The following CFAP53 variants were observed in gnomAD, a reference collection of about 807,000 sequenced individuals.
The protein encoded by CFAP53 is cilia- and flagella-associated protein 53.
A neutral mutation model predicts 59.7 loss-of-function variants in CFAP53; 62 were observed. The observed-to-expected ratio is 1.04, with a 90% confidence interval of 0.85 to 1.28. CFAP53 has a LOEUF of 1.28. Ranked by LOEUF, CFAP53 falls within the 50% of genes most tolerant of loss-of-function variation. The probability of loss-of-function intolerance (pLI) is 0.00; values close to 1 mark genes in which losing one functional copy is unlikely to be tolerated. For missense variants in CFAP53, 629 were observed against 615.6 expected (o/e 1.02, Z -0.23); for synonymous variants, 218 against 205.7 (o/e 1.06, Z -0.51).
chr18:50,250,798 T>C lies in CFAP53; in HGVS notation c.956A>G (p.Gln319Arg), dbSNP rs2033790612. 1.2e-6 allele frequency: 2 copies of C among 1,614,202 alleles called. No homozygotes were observed. The highest frequency in any genetic ancestry group is 2.2e-5 in the East Asian group (1 of 44,880). ...LNMKLVQRAL[Q>R]DLQEEADKKK... Reference sequence around the variant, plus strand: ...TTTATCTGCCTCTTCCTGTAAGTCTTGAAGGGCCCTTTGCACGAGCTTCAT... The same window carrying C: ...TTTATCTGCCTCTTCCTGTAAGTCTCGAAGGGCCCTTTGCACGAGCTTCAT... The change falls in exon 5 of 8, where the codon CAA becomes CGA. Residue 319 changes from glutamine to arginine, a missense_variant. Gln to Arg is a conservative substitution (Grantham distance 43). Transcript: ENST00000398545.
At chr18:50,263,528 G>A (rs562469975) in intron 1 of CFAP53, among the ~76,000 whole-genome samples, 1 of 152,330 alleles carries the variant, frequency 6.6e-6, no homozygotes, top group South Asian at 2.1e-4. Context: ...GACAGAAGAT[G>A]ATGCTGGGGG....
At chr18:50,244,376 A>C (rs1468719448) in intron 5 of CFAP53, among the ~76,000 whole-genome samples, 1 of 152,150 alleles carries the variant, frequency 6.6e-6, no homozygotes, top group East Asian at 1.9e-4. Context: ...CCTGTCGCCA[A>C]GTAAGACGTG....
Position 50,227,554 on chromosome 18 carries a change from G to T in CFAP53, c.1372C>A (p.Gln458Lys), listed in dbSNP as rs1249426316. The change falls in exon 8 of 8, where the codon CAG becomes AAG. Residue 458 changes from glutamine to lysine, a missense_variant. By Grantham distance (53) the Gln-to-Lys change is moderately conservative. Transcript: ENST00000398545. ...RKQLQMQIAYQQQSQEAEKEE... is the reference protein window; with the variant it reads ...RKQLQMQIAYKQQSQEAEKEE... ...TTCTCTGCTTCTTGGGACTGCTGCT[G>T]GTAGGCGATTTGCATCTGAAGTTGC... 1 of 1,614,140 alleles carries T rather than the reference G, an allele frequency of 6.2e-7. No individual in the cohort carries two copies.
chr18:50,235,909 C>T (rs2033628472), intron 7 of CFAP53, among the ~76,000 whole-genome samples: 1 of 152,202 alleles, frequency 6.6e-6, no homozygotes, highest in Non-Finnish European at 1.5e-5. Flanking sequence ...ATGAGACCTT[C>T]ATCCACATGC....
intron 6 of CFAP53, 90 bp downstream of exon 6, chr18:50,242,810 C>T (rs1176160638): frequency 2.8e-6 from 3 of 1,069,346 alleles, no homozygotes; most frequent in Non-Finnish European, 4.2e-6. Context: ...TGGTGTTTTA[C>T]ATAATAAGTA....
At chr18:50,260,607 A>G (rs888006590) in intron 3 of CFAP53, among the ~76,000 whole-genome samples, 3 of 152,126 alleles carry the variant, frequency 2.0e-5, no homozygotes, top group Admixed American at 2.0e-4. Flanking sequence ...TGGAGGTTGT[A>G]GTCATGATCA....
chr18:50,242,365 A>C (rs1185536172), intron 6 of CFAP53, among the ~76,000 whole-genome samples: 1 of 152,232 alleles, frequency 6.6e-6, no homozygotes, highest in Non-Finnish European at 1.5e-5. Context: ...AATTTTGAGA[A>C]CTAATAAATG....
chr18:50,255,453 T>A (rs1287024962), intron 3 of CFAP53, among the ~76,000 whole-genome samples: 2 of 152,164 alleles, frequency 1.3e-5, no homozygotes, highest in Admixed American at 6.5e-5. Context: ...CTTGTCTTAA[T>A]ATTGTATTAC....
chr18:50,251,866 C>T (rs1426571053), intron 3 of CFAP53, 82 bp from the exon 4 acceptor site: 1 of 1,227,304 alleles, frequency 8.1e-7, no homozygotes, highest in African/African-American at 1.5e-5. Context: ...TACAATCACA[C>T]AATGAAGCAA....
intron 5 of CFAP53, among the ~76,000 whole-genome samples, chr18:50,249,642 GATTCTACTAAT>G (rs2033779166): frequency 6.6e-6 from 1 of 152,146 alleles, no homozygotes; most frequent in Admixed American, 6.5e-5. Flanking sequence ...CACACTATAT[GATTCTACTAAT>G]ATAACATTCC....
At chr18:50,241,938 C>T (rs1238466445) in intron 6 of CFAP53, among the ~76,000 whole-genome samples, 1 of 152,110 alleles carries the variant, frequency 6.6e-6, no homozygotes, top group Non-Finnish European at 1.5e-5. Flanking sequence ...CTGCAGGAGA[C>T]CAGGGCATAT....
At chr18:50,247,912 G>A (rs1414829526) in intron 5 of CFAP53, among the ~76,000 whole-genome samples, 1 of 152,158 alleles carries the variant, frequency 6.6e-6, no homozygotes, top group Admixed American at 6.5e-5. Flanking sequence ...GAATTGTATG[G>A]TTTAAACTGG....
At chr18:50,253,381 A>G (rs1274437595) in intron 3 of CFAP53, among the ~76,000 whole-genome samples, 1 of 152,216 alleles carries the variant, frequency 6.6e-6, no homozygotes, top group African/African-American at 2.4e-5. Context: ...TCTAATGATA[A>G]TAATCATTGA....
rs924951562 is a variant in CFAP53 at position 50,266,470 on chromosome 18, G to A, written c.-66C>T. ...TTCCCCCAACCGTGGCGACCTGCGG[G>A]ACCCGCTTCCGCGACGCAGAAGTCT... On this transcript the variant is annotated 5_prime_UTR_variant, in exon 1 of 8. Transcript: ENST00000398545. 1.3e-6 allele frequency: 2 copies of A among 1,511,360 alleles called. No homozygotes were observed. The highest frequency in any genetic ancestry group is 1.8e-6 in the Non-Finnish European group (2 of 1,086,746). 93.6% of individuals were successfully genotyped at this position (1,511,360 alleles called of 1,614,324 possible). A position where few individuals can be genotyped will look rare whatever the true frequency, so the allele number is the denominator to read the frequency against.
In CFAP53 at chr18:50,233,251, C is replaced by A. The variant is rs549816479; in HGVS notation, c.1316+5352G>T. Among the ~76,000 whole-genome samples the A allele has an allele frequency of 5.9e-5, 9 of 152,176 alleles. No homozygotes were observed. The South Asian group carries it at 1.9e-3, about 32-fold the overall frequency. On this transcript the variant is annotated intron_variant, in intron 7 of 7. Coordinates refer to ENST00000398545, the MANE Select transcript of CFAP53 (RefSeq NM_145020.5). ...GGTAAAAGAGGTTTTGTTCAAACAA[C>A]CCAGAATTTTTAAACCTCCCTTAAA... is the stretch of plus-strand genomic sequence containing the variant.
chr18:50,261,833 C>G (rs957483195), intron 2 of CFAP53, among the ~76,000 whole-genome samples, 157 bp downstream of exon 2: 4 of 152,034 alleles, frequency 2.6e-5, no homozygotes, highest in African/African-American at 4.8e-5. Context: ...CAGGCTATCA[C>G]AAATAAAAAT....
At position 50,237,288 on chromosome 18, in the gene CFAP53, G is replaced by A. The variant is rs1304844768; in HGVS notation, c.1316+1315C>T. ...CCACCGCACTCCAGCCTAGGTGACA[G>A]AGCAAGACTCCATCTCAAAAAAAAA... is the stretch of plus-strand genomic sequence containing the variant. On this transcript the variant is annotated intron_variant, in intron 7 of 7. Coordinates refer to ENST00000398545, the MANE Select transcript of CFAP53 (RefSeq NM_145020.5). Among the ~76,000 whole-genome samples, 2 of 95,620 alleles carry A rather than the reference G, an allele frequency of 2.1e-5. 1 individual carries two copies. The highest frequency in any genetic ancestry group is 9.2e-4 in the South Asian group (2 of 2,174). The allele number at this position is 95,620 out of a possible 152,430, so 62.7% of individuals were successfully genotyped here. A position where few individuals can be genotyped will look rare whatever the true frequency, so the allele number is the denominator to read the frequency against.
At chr18:50,228,201 T>G (rs1291373448) in intron 7 of CFAP53, among the ~76,000 whole-genome samples, 1 of 151,642 alleles carries the variant, frequency 6.6e-6, no homozygotes, top group Non-Finnish European at 1.5e-5. Flanking sequence ...TCAAGTGATC[T>G]GCCCGCCTCA....
chr18:50,243,355 G>A (rs1051823985), intron 5 of CFAP53, among the ~76,000 whole-genome samples: 5 of 152,172 alleles, frequency 3.3e-5, no homozygotes, highest in African/African-American at 1.2e-4. Flanking sequence ...TGAGGTGATG[G>A]ACACGTGGGG....
Sources: allele counts gnomAD v4.1 joint callset (sites outside exome capture counted in the v4.1 genomes callset), GRCh38; gene constraint gnomAD v4.1.1; transcripts MANE v1.5; gene names NCBI Gene and HGNC (gene_info 2026-07-23, HGNC 2026-07-21).